The following ZNF395 variants were observed in gnomAD, a reference collection of about 807,000 sequenced individuals.
ZNF395 encodes the protein zinc finger protein 395.
Under a neutral mutation model 57.7 loss-of-function variants are expected in ZNF395, and 20 were observed. The ratio of observed to expected loss-of-function variants is 0.35; its 90% confidence interval spans 0.24 to 0.50. ZNF395 has a LOEUF of 0.50. ZNF395 is among the 20% of genes least tolerant of loss of function. ZNF395 has a pLI of 0.97. For synonymous variants in ZNF395, 295 were observed against 275.9 expected (o/e 1.07, Z -0.69); for missense variants, 606 against 671.2 (o/e 0.90, Z 1.07).
In ZNF395 at chr8:28,348,393, C is replaced by G. The variant is rs188954528; in HGVS notation, c.*326G>C. On this transcript the variant is annotated 3_prime_UTR_variant, in exon 10 of 10. Transcript: ENST00000344423. ...GAACGAGCTGTTCCTTCTTTTGACACGCACAAGCTAATCCCCTAGAGAGTG... is the reference window on the plus strand; with the variant it reads ...GAACGAGCTGTTCCTTCTTTTGACAGGCACAAGCTAATCCCCTAGAGAGTG... The G allele has an allele frequency of 4.3e-5, 12 of 278,694 alleles. No individual in the cohort carries two copies. Among genetic ancestry groups the G allele is most frequent in the Admixed American group, 4.1e-4 (8 of 19,656 alleles). 17.3% of individuals were successfully genotyped at this position (278,694 alleles called of 1,614,324 possible).
intron 1 of ZNF395, chr8:28,385,122 T>G (rs1563344981): frequency 6.6e-6 from 1 of 152,238 alleles, no homozygotes; most frequent in Non-Finnish European, 1.5e-5. Flanking sequence ...GAAAGGGGGT[T>G]CTAAGAAAAG....
chr8:28,360,818 G>C (rs1019562859), intron 2 of ZNF395, 67 bp downstream of exon 2: 10 of 1,574,284 alleles, frequency 6.4e-6, no homozygotes, highest in Non-Finnish European at 3.4e-6. Flanking sequence ...CCTGTCACTA[G>C]GGCACCCCAG....
At chr8:28,366,464 A>G (rs1274392700) in intron 1 of ZNF395, among the ~76,000 whole-genome samples, 4 of 152,168 alleles carry the variant, frequency 2.6e-5, no homozygotes, top group African/African-American at 7.2e-5. Flanking sequence ...TCCACTACTC[A>G]GGAGGCTGAG....
rs1801633600 is a variant in ZNF395 at position 28,348,311 on chromosome 8, A to G, written c.*408T>C. On this transcript the variant is annotated 3_prime_UTR_variant, in exon 10 of 10. Transcript: ENST00000344423. Reference sequence around the variant, plus strand: ...TAAGAAAAGTAAATTCATCTTGCTCACAGTCCTTTCTGGAAGAGTTTAGAA... The same window carrying G: ...TAAGAAAAGTAAATTCATCTTGCTCGCAGTCCTTTCTGGAAGAGTTTAGAA... 1 of 126,826 alleles carries G rather than the reference A, an allele frequency of 7.9e-6. No homozygotes were observed. Among genetic ancestry groups the G allele is most frequent in the Admixed American group, 1.0e-4 (1 of 9,904 alleles). 7.9% of individuals were successfully genotyped at this position (126,826 alleles called of 1,614,324 possible). A position where few individuals can be genotyped will look rare whatever the true frequency, so the allele number is the denominator to read the frequency against.
chr8:28,370,468 C>A (rs946875824), intron 1 of ZNF395, among the ~76,000 whole-genome samples: 6 of 152,112 alleles, frequency 3.9e-5, no homozygotes, highest in African/African-American at 9.7e-5. Context: ...AGTTTCGAGA[C>A]GAAAGAGAGA....
intron 1 of ZNF395, among the ~76,000 whole-genome samples, chr8:28,384,020 A>T (rs1014921143): frequency 4.6e-5 from 7 of 152,140 alleles, no homozygotes; most frequent in Non-Finnish European, 1.0e-4. Context: ...CCTGCCCTGT[A>T]AACAGATTAT....
At chr8:28,361,806 G>C (rs1252273187) in intron 1 of ZNF395, among the ~76,000 whole-genome samples, 1 of 152,142 alleles carries the variant, frequency 6.6e-6, no homozygotes, top group East Asian at 1.9e-4. Flanking sequence ...AACTTGCCGA[G>C]CTTGGCCGGG....
intron 1 of ZNF395, among the ~76,000 whole-genome samples, chr8:28,370,924 A>G (rs925050444): frequency 1.1e-4 from 17 of 152,248 alleles, no homozygotes; most frequent in Admixed American, 1.0e-3. Context: ...GTGGCCTTTC[A>G]AAGACTGATG....
At chr8:28,354,789 G>A (rs1241314279) in intron 4 of ZNF395, among the ~76,000 whole-genome samples, 1 of 151,528 alleles carries the variant, frequency 6.6e-6, no homozygotes, top group African/African-American at 2.4e-5. Flanking sequence ...AGGCCAACAG[G>A]TGAAAGACCC....
intron 4 of ZNF395, among the ~76,000 whole-genome samples, chr8:28,354,759 G>A (rs1279875796): frequency 1.3e-5 from 2 of 151,966 alleles, no homozygotes; most frequent in African/African-American, 4.8e-5. Flanking sequence ...CTTCAGGGCA[G>A]AAGACAAGAA....
intron 6 of ZNF395, 136 bp from the exon 7 acceptor site, chr8:28,351,943 T>A: frequency 5.1e-6 from 5 of 974,710 alleles, no homozygotes; most frequent in Non-Finnish European, 7.5e-6. Context: ...AACACCCAGG[T>A]GCCTCGCTCC....
In ZNF395 at chr8:28,346,230, C is replaced by T. The variant is rs1042158395; in HGVS notation, c.*2489G>A. 1.3e-5 allele frequency: 2 copies of T among 152,272 alleles called. No homozygotes were observed. Among genetic ancestry groups the T allele is most frequent in the Non-Finnish European group, 2.9e-5 (2 of 68,026 alleles). 9.4% of individuals were successfully genotyped at this position (152,272 alleles called of 1,614,324 possible). On this transcript the variant is annotated 3_prime_UTR_variant, in exon 10 of 10. Coordinates refer to ENST00000344423, the MANE Select transcript of ZNF395 (RefSeq NM_018660.3). ...CCGTTAGTTTCTAAAAGCCCACCTA[C>T]GGCACCTTCCTTCCATCAGAGTCTG... is the stretch of plus-strand genomic sequence containing the variant.
At chr8:28,385,979 G>C (rs894070008) in intron 1 of ZNF395, 8 of 146,722 alleles carry the variant, frequency 5.5e-5, no homozygotes, top group African/African-American at 2.0e-4. Context: ...CGGCTGCCGC[G>C]CCGCTAGGTC....
chr8:28,351,309 G>T, intron 7 of ZNF395, 186 bp downstream of exon 7: 1 of 596,192 alleles, frequency 1.7e-6, no homozygotes, highest in Non-Finnish European at 2.8e-6. Flanking sequence ...TGCCAATGTA[G>T]ATAACTCCAG....
intron 1 of ZNF395, among the ~76,000 whole-genome samples, chr8:28,383,465 A>G (rs1034556226): frequency 2.0e-5 from 3 of 152,108 alleles, no homozygotes; most frequent in African/African-American, 7.2e-5. Context: ...GAAAAGTTCA[A>G]AATGTTTCAA....
At chr8:28,386,297 C>G (rs1332827933) in intron 1 of ZNF395, 96 bp downstream of exon 1, 1 of 151,456 alleles carries the variant, frequency 6.6e-6, no homozygotes, top group Non-Finnish European at 1.5e-5. Context: ...CAGCCGGCGC[C>G]CAGCGGCGAC....
At chr8:28,363,143 GTTTTT>G (rs1325236609) in intron 1 of ZNF395, among the ~76,000 whole-genome samples, 2 of 132,920 alleles carry the variant, frequency 1.5e-5, no homozygotes, top group Non-Finnish European at 3.2e-5. Context: ...TTTTTTTTTT[GTTTTT>G]TAAGATGGAG....
Position 28,352,860 on chromosome 8 carries a change from T to C in ZNF395, c.820-187A>G, listed in dbSNP as rs1261921606. 6.6e-6 allele frequency among the ~76,000 whole-genome samples: 1 copy of C among 152,100 alleles called. No homozygotes were observed. Among genetic ancestry groups the C allele is most frequent in the Non-Finnish European group, 1.5e-5 (1 of 68,004 alleles). ...TAGAAAGCCCCAATCTAAGAGATGG[T>C]CCTAGTGGCCAACAGCAGTGCTCCA... is the stretch of plus-strand genomic sequence containing the variant. On this transcript the variant is annotated intron_variant, in intron 5 of 9. Coordinates refer to ENST00000344423, the MANE Select transcript of ZNF395 (RefSeq NM_018660.3). This position sits in a 1 kb window ranked among gnomAD's most constrained non-coding sequence, Gnocchi z 4.0.
Position 28,360,870 on chromosome 8 carries a change from T to C in ZNF395, c.240+15A>G, listed in dbSNP as rs17059022. ...TGGCAAGACGGGACACCTGTCCATG[T>C]TGGGATCAACCTACCTTCTGCCCAG... On this transcript the variant is annotated intron_variant, in intron 2 of 9. Transcript: ENST00000344423. The C allele has an allele frequency of 0.024, 38,249 of 1,612,586 alleles. 5,708 individuals are homozygous for C. In the African/African-American group the frequency reaches 0.38, roughly 16 times the overall value.
Sources: gnomAD v4.1 joint callset for allele counts (sites outside exome capture counted in the v4.1 genomes callset) on GRCh38, gnomAD v4.1.1 for gene constraint, Gnocchi (gnomAD v3.1) non-coding constraint, MANE v1.5 for transcripts, NCBI Gene and HGNC (gene_info 2026-07-23, HGNC 2026-07-21) for gene names.